Variants in NCKAP5 observed in about 807,000 individuals in gnomAD.
The protein encoded by NCKAP5 is NCK associated protein 5.
NCKAP5 carries 92 observed loss-of-function variants against 167.0 expected under a neutral mutation model. That is an observed-to-expected ratio of 0.55 (90% CI 0.47 to 0.66). The LOEUF (loss-of-function observed/expected upper bound fraction) is 0.66, where lower values mean the gene tolerates loss of function less well. Among genes scored for constraint, NCKAP5 ranks in the 30% least tolerant of loss-of-function variants. The pLI is 0.00. For missense variants in NCKAP5, 2,378 were observed against 2,315.0 expected, an observed-to-expected ratio of 1.03 and a Z score of -0.56; for synonymous variants, 891 against 877.4, an observed-to-expected ratio of 1.02 and a Z score of -0.27.
chr2:133,287,252 T>A (rs909540494), intron 4 of NCKAP5, among the ~76,000 whole-genome samples: 3 of 152,214 alleles, frequency 2.0e-5, no homozygotes, highest in African/African-American at 7.2e-5. Flanking sequence ...ACCATTTTAG[T>A]CACCAGCTTT....
At position 132,839,757 on chromosome 2, in the gene NCKAP5, C is replaced by CAAA. The variant is rs59000613; in HGVS notation, c.807+20732_807+20734dup. Among the ~76,000 whole-genome samples the CAAA allele has an allele frequency of 1.8e-3, 114 of 62,766 alleles. 2 individuals carry two copies. The highest frequency in any genetic ancestry group is 0.01 in the Middle Eastern group (1 of 96). 41.2% of individuals were successfully genotyped at this position (62,766 alleles called of 152,430 possible). ...TGCGTGATGGAGTGAGACCTTGTCT[C>CAAA]AAAAAAAAAAAAAAAAAAAAAAAGG... is the stretch of plus-strand genomic sequence containing the variant. On this transcript the variant is annotated intron_variant, in intron 11 of 19. Coordinates refer to ENST00000409261, the MANE Select transcript of NCKAP5 (RefSeq NM_207363.3).
At chr2:133,474,001 G>A (rs991912733) in intron 3 of NCKAP5, among the ~76,000 whole-genome samples, 2 of 152,154 alleles carry the variant, frequency 1.3e-5, no homozygotes, top group African/African-American at 4.8e-5. Context: ...ATGAAAGAAA[G>A]TGAATCAGAG....
intron 19 of NCKAP5, among the ~76,000 whole-genome samples, chr2:132,720,916 CAGG>C (rs1689856163): frequency 6.6e-6 from 1 of 151,818 alleles, no homozygotes; most frequent in Admixed American, 6.6e-5. Context: ...GAGGCTGAAG[CAGG>C]AGAACTGCTT....
chr2:132,692,626 G>A (rs747364110), intron 19 of NCKAP5, among the ~76,000 whole-genome samples: 7 of 151,584 alleles, frequency 4.6e-5, no homozygotes, highest in Non-Finnish European at 8.8e-5. Context: ...AATAATAAAT[G>A]ATGAACCTAT....
intron 3 of NCKAP5, among the ~76,000 whole-genome samples, chr2:133,350,036 C>G (rs1684253111): frequency 6.6e-6 from 1 of 152,174 alleles, no homozygotes; most frequent in South Asian, 2.1e-4. Flanking sequence ...GCATAACATT[C>G]AGGAAATGGA....
At chr2:133,412,678 A>T (rs1688848947) in intron 3 of NCKAP5, among the ~76,000 whole-genome samples, 1 of 152,188 alleles carries the variant, frequency 6.6e-6, no homozygotes, top group African/African-American at 2.4e-5. Context: ...TATAAACCAG[A>T]AGGAACTCTA....
intron 6 of NCKAP5, among the ~76,000 whole-genome samples, chr2:132,995,256 G>A (rs998965774): frequency 2.0e-5 from 3 of 151,988 alleles, no homozygotes; most frequent in African/African-American, 7.3e-5. Flanking sequence ...TAAAAAACTC[G>A]ATGCTTGTAA....
chr2:132,826,232 C>T (rs1202650575), intron 11 of NCKAP5, among the ~76,000 whole-genome samples: 5 of 152,166 alleles, frequency 3.3e-5, no homozygotes, highest in East Asian at 1.9e-4. Flanking sequence ...AATTATTATA[C>T]TAAATAGTTA....
At chr2:133,029,899 AC>A (rs2078826177) in intron 6 of NCKAP5, among the ~76,000 whole-genome samples, 1 of 152,200 alleles carries the variant, frequency 6.6e-6, no homozygotes. Flanking sequence ...AGAAATGTTT[AC>A]AAGGATTTTT....
intron 3 of NCKAP5, among the ~76,000 whole-genome samples, chr2:133,458,896 G>A (rs555999897): frequency 3.9e-5 from 6 of 152,294 alleles, no homozygotes; most frequent in Admixed American, 2.6e-4. Context: ...TCATCTGCAT[G>A]TAGACAGATC....
chr2:133,191,040 T>C (rs1559246700), intron 5 of NCKAP5, among the ~76,000 whole-genome samples: 1 of 152,000 alleles, frequency 6.6e-6, no homozygotes, highest in Non-Finnish European at 1.5e-5. Flanking sequence ...AGGGCTAATA[T>C]ACAGAATCTA....
intron 10 of NCKAP5, 80 bp downstream of exon 10, chr2:132,868,856 C>T (rs943647693): frequency 9.3e-7 from 1 of 1,076,952 alleles, no homozygotes; most frequent in African/African-American, 1.6e-5. Context: ...CTATCAATCA[C>T]AATTTCCTAG....
chr2:133,329,527 G>A (rs540489524), intron 3 of NCKAP5, among the ~76,000 whole-genome samples: 2 of 152,090 alleles, frequency 1.3e-5, no homozygotes, highest in African/African-American at 4.8e-5. Context: ...TGACAAAAGT[G>A]GGGGGTATTG....
intron 7 of NCKAP5, among the ~76,000 whole-genome samples, chr2:132,981,468 C>T (rs2077139839): frequency 6.6e-6 from 1 of 152,182 alleles, no homozygotes; most frequent in Non-Finnish European, 1.5e-5. Flanking sequence ...TGGCATGTGA[C>T]AAGCCCTAAA....
At chr2:132,765,462 G>T (rs930406095) in intron 16 of NCKAP5, among the ~76,000 whole-genome samples, 1 of 152,024 alleles carries the variant, frequency 6.6e-6, no homozygotes, top group East Asian at 1.9e-4. Context: ...CTACAGGCGC[G>T]TGGCACCACG....
intron 19 of NCKAP5, among the ~76,000 whole-genome samples, chr2:132,682,381 T>C (rs988451851): frequency 1.3e-5 from 2 of 152,228 alleles, no homozygotes; most frequent in East Asian, 3.9e-4. Context: ...AATACTTAAA[T>C]GGGGAGTCTG....
intron 6 of NCKAP5, among the ~76,000 whole-genome samples, chr2:133,091,353 A>T (rs7578857): frequency 0.047 from 7,080 of 152,206 alleles, 543 homozygotes; most frequent in African/African-American, 0.16. Flanking sequence ...CCACCACATG[A>T]GCTGGAATAG....
intron 5 of NCKAP5, among the ~76,000 whole-genome samples, chr2:133,176,021 C>T (rs2084444768): frequency 6.6e-6 from 1 of 152,150 alleles, no homozygotes; most frequent in South Asian, 2.1e-4. Flanking sequence ...AACAAAGAGC[C>T]TGATGCATCC....
At chr2:133,299,323 C>T (rs987208209) in intron 4 of NCKAP5, among the ~76,000 whole-genome samples, 6 of 152,092 alleles carry the variant, frequency 3.9e-5, no homozygotes, top group Non-Finnish European at 5.9e-5. Context: ...AGAGGCAACC[C>T]GGCCTGGTGA....
Sources: gnomAD v4.1 joint callset for allele counts (sites outside exome capture counted in the v4.1 genomes callset) on GRCh38, gnomAD v4.1.1 for gene constraint, MANE v1.5 for transcripts, NCBI Gene and HGNC (gene_info 2026-07-23, HGNC 2026-07-21) for gene names.